The following MIPOL1 variants were observed in gnomAD, a reference collection of about 807,000 sequenced individuals.
MIPOL1 encodes the protein mirror-image polydactyly gene 1 protein.
MIPOL1 carries 57 observed loss-of-function variants against 60.9 expected under a neutral mutation model. The observed-to-expected ratio is 0.94, with a 90% CI of 0.76 to 1.17. The LOEUF is 1.17. Ranked by LOEUF, MIPOL1 falls within the 50% of genes most tolerant of loss-of-function variation. MIPOL1 has a pLI of 0.00. For synonymous variants in MIPOL1, 179 were observed against 168.8 expected (o/e 1.06, Z -0.47); for missense variants, 551 against 511.6 (o/e 1.08, Z -0.74).
intron 10 of MIPOL1, among the ~76,000 whole-genome samples, chr14:37,396,309 C>A (rs2093370389): frequency 6.6e-6 from 1 of 152,046 alleles, no homozygotes. Flanking sequence ...GGTCCCAGTC[C>A]CTTCTAGCTT....
chr14:37,206,265 G>A (rs910023261), intron 1 of MIPOL1, among the ~76,000 whole-genome samples: 6 of 152,208 alleles, frequency 3.9e-5, no homozygotes, highest in Admixed American at 3.9e-4. Flanking sequence ...AGCCTTGGCT[G>A]AAAGGGGCCA....
chr14:37,207,297 G>A (rs576182069), intron 1 of MIPOL1, among the ~76,000 whole-genome samples: 18 of 152,200 alleles, frequency 1.2e-4, no homozygotes, highest in Non-Finnish European at 2.5e-4. Flanking sequence ...ATTCTCTCCT[G>A]CCACCACCAT....
chr14:37,508,961 G>T (rs1309298151), intron 12 of MIPOL1, among the ~76,000 whole-genome samples: 1 of 151,988 alleles, frequency 6.6e-6, no homozygotes, highest in Non-Finnish European at 1.5e-5. Flanking sequence ...CTTAGATTCT[G>T]TAGCACCATT....
chr14:37,297,281 A>G (rs1465067423), intron 7 of MIPOL1, among the ~76,000 whole-genome samples: 3 of 152,230 alleles, frequency 2.0e-5, no homozygotes, highest in Admixed American at 2.0e-4. Context: ...CTCTCAATAA[A>G]TTAGGTATTG....
In MIPOL1 at chr14:37,494,714, C is replaced by T. The variant is rs2095094214; in HGVS notation, c.1032-5194C>T. Among the ~76,000 whole-genome samples the T allele has an allele frequency of 2.6e-5, 4 of 152,182 alleles. No homozygotes were observed. The South Asian group carries it at 8.3e-4, about 31-fold the overall frequency. On this transcript the variant is annotated intron_variant, in intron 11 of 12. Coordinates refer to ENST00000684589, the MANE Select transcript of MIPOL1 (RefSeq NM_001388067.1). ...AAAAAGGAATATTAATAAGACTTCT[C>T]ATGCAAGTTGTGACATTTAGTGAGT...
chr14:37,461,292 A>C (rs1322004837), intron 11 of MIPOL1, among the ~76,000 whole-genome samples: 1 of 152,210 alleles, frequency 6.6e-6, no homozygotes, highest in African/African-American at 2.4e-5. Flanking sequence ...GTCAAATCTT[A>C]TGTGGATGTC....
intron 11 of MIPOL1, among the ~76,000 whole-genome samples, chr14:37,449,315 C>G (rs1594389354): frequency 6.6e-6 from 1 of 151,704 alleles, no homozygotes; most frequent in Admixed American, 6.6e-5. Context: ...TAAATAAAAC[C>G]TACATACACT....
intron 10 of MIPOL1, among the ~76,000 whole-genome samples, chr14:37,396,106 G>T (rs1219750707): frequency 2.0e-5 from 3 of 151,756 alleles, no homozygotes; most frequent in Non-Finnish European, 4.4e-5. Context: ...TTTCTAATGA[G>T]GTTCTGTTTT....
At chr14:37,335,234 T>C (rs1441997078) in intron 9 of MIPOL1, among the ~76,000 whole-genome samples, 1 of 152,096 alleles carries the variant, frequency 6.6e-6, no homozygotes, top group Non-Finnish European at 1.5e-5. Context: ...TGGTTTTTAG[T>C]TTTTTGTCTT....
At chr14:37,481,745 A>C (rs1012264841) in intron 11 of MIPOL1, among the ~76,000 whole-genome samples, 5 of 152,176 alleles carry the variant, frequency 3.3e-5, no homozygotes, top group Non-Finnish European at 7.3e-5. Flanking sequence ...ATACCTATTG[A>C]CCAATGCAAC....
chr14:37,203,831 G>T (rs1965668232), intron 1 of MIPOL1, among the ~76,000 whole-genome samples: 1 of 152,148 alleles, frequency 6.6e-6, no homozygotes, highest in African/African-American at 2.4e-5. Flanking sequence ...CGCCCAGGCT[G>T]GAAAGCAGTG....
intron 11 of MIPOL1, among the ~76,000 whole-genome samples, chr14:37,435,955 T>C (rs539606079): frequency 2.3e-4 from 35 of 152,296 alleles, no homozygotes; most frequent in Non-Finnish European, 4.7e-4. Context: ...TTAAAATAGA[T>C]TTTATTAGTG....
intron 3 of MIPOL1, among the ~76,000 whole-genome samples, chr14:37,263,442 T>C (rs1056322717): frequency 6.6e-6 from 1 of 152,198 alleles, no homozygotes; most frequent in Non-Finnish European, 1.5e-5. Context: ...ATCCATAATA[T>C]CATTTTTCAG....
In MIPOL1 at chr14:37,406,562, C is replaced by G. The variant is rs181698235; in HGVS notation, c.937-16293C>G. Among the ~76,000 whole-genome samples the G allele has an allele frequency of 1.4e-3, 218 of 152,130 alleles. 2 individuals carry two copies. Among genetic ancestry groups the G allele is most frequent in the Admixed American group, 0.012 (178 of 15,276 alleles). On this transcript the variant is annotated intron_variant, in intron 10 of 12. Coordinates refer to ENST00000684589, the MANE Select transcript of MIPOL1 (RefSeq NM_001388067.1). ...TTAATTTTCTCTGTGTGCTCATGTT[C>G]TTAGGTAGTACCAGAGAGCTTAGTG... is the stretch of plus-strand genomic sequence containing the variant.
intron 7 of MIPOL1, among the ~76,000 whole-genome samples, chr14:37,299,226 T>G (rs1200566447): frequency 6.7e-6 from 1 of 149,696 alleles, no homozygotes; most frequent in Non-Finnish European, 1.5e-5. Context: ...ATGTTCTCAC[T>G]CATAGGTGAG....
intron 11 of MIPOL1, among the ~76,000 whole-genome samples, chr14:37,493,466 G>C (rs1190689061): frequency 6.6e-6 from 1 of 152,064 alleles, no homozygotes; most frequent in Admixed American, 6.6e-5. Context: ...AACCACTTCA[G>C]ACAGGAAATC....
At chr14:37,338,314 G>T (rs759720205) in intron 9 of MIPOL1, among the ~76,000 whole-genome samples, 4 of 150,848 alleles carry the variant, frequency 2.7e-5, no homozygotes, top group Non-Finnish European at 5.9e-5. Flanking sequence ...GTTTCACCAT[G>T]TTAGCCAGGA....
At chr14:37,384,436 T>C (rs2093011294) in intron 10 of MIPOL1, among the ~76,000 whole-genome samples, 1 of 151,920 alleles carries the variant, frequency 6.6e-6, no homozygotes, top group Admixed American at 6.6e-5. Context: ...TTTTTATTCC[T>C]ATTCATTAAT....
intron 6 of MIPOL1, among the ~76,000 whole-genome samples, chr14:37,284,644 G>A (rs905962877): frequency 1.3e-5 from 2 of 152,128 alleles, no homozygotes; most frequent in Non-Finnish European, 2.9e-5. Flanking sequence ...TGCCTGGCCT[G>A]CTCATTGTAT....
Sources: gnomAD v4.1 joint callset for allele counts (sites outside exome capture counted in the v4.1 genomes callset) on GRCh38, gnomAD v4.1.1 for gene constraint, MANE v1.5 for transcripts, NCBI Gene and HGNC (gene_info 2026-07-23, HGNC 2026-07-21) for gene names.